Variants in IQCM observed in about 807,000 individuals in gnomAD.
IQCM encodes IQ domain-containing protein M.
IQCM carries 45 observed loss-of-function variants against 57.6 expected under a neutral mutation model. The ratio of observed to expected loss-of-function variants is 0.78; its 90% confidence interval spans 0.62 to 1.00. The LOEUF (loss-of-function observed/expected upper bound fraction) is 1.00. Ranked by LOEUF, IQCM falls within the 50% of genes least tolerant of loss-of-function variation. IQCM has a pLI of 0.00. For synonymous variants in IQCM, 148 were observed against 158.9 expected, an observed-to-expected ratio of 0.93 and a Z score of 0.51; for missense variants, 468 against 511.6, an observed-to-expected ratio of 0.91 and a Z score of 0.82.
At chr4:149,716,190 A>C (rs1764980069) in intron 5 of IQCM, among the ~76,000 whole-genome samples, 1 of 152,190 alleles carries the variant, frequency 6.6e-6, no homozygotes. Flanking sequence ...GGGTACCTCC[A>C]GTCCCACACC....
chr4:149,686,412 C>T lies in IQCM; in HGVS notation c.442G>A (p.Glu148Lys). Residue 148 changes from glutamate to lysine, a missense_variant, in exon 6 of 14, where the codon GAG becomes AAG. Physicochemically the swap from Glu to Lys is moderately conservative, Grantham distance 56. Transcript: ENST00000636793. ...TIIEPVSKKM[E>K]TAKQQHFEES... ...TCAAAGTGCTGTTGCTTTGCTGTCT[C>T]CATTTTTTTACTCACTGGTTCAATA... is the stretch of plus-strand genomic sequence containing the variant. The T allele has an allele frequency of 8.1e-7, 1 of 1,227,134 alleles. No homozygotes were observed. The highest frequency in any genetic ancestry group is 1.0e-6 in the Non-Finnish European group (1 of 984,008). 76.0% of individuals were successfully genotyped at this position (1,227,134 alleles called of 1,614,324 possible). A position where few individuals can be genotyped will look rare whatever the true frequency, so the allele number is the denominator to read the frequency against.
chr4:149,671,719 C>T (rs997815521), intron 7 of IQCM, among the ~76,000 whole-genome samples: 3 of 152,088 alleles, frequency 2.0e-5, no homozygotes, highest in African/African-American at 7.2e-5. Flanking sequence ...TTATTTCTGC[C>T]TTCATTTCGT....
intron 13 of IQCM, among the ~76,000 whole-genome samples, chr4:149,356,495 A>C (rs1253479623): frequency 6.6e-6 from 1 of 152,014 alleles, no homozygotes; most frequent in Non-Finnish European, 1.5e-5. Context: ...CATTTATTAA[A>C]TAGGGAATCC....
chr4:149,667,495 A>T (rs927057489), intron 7 of IQCM, among the ~76,000 whole-genome samples: 3 of 152,126 alleles, frequency 2.0e-5, no homozygotes, highest in African/African-American at 7.2e-5. Flanking sequence ...AAAGTCTAAA[A>T]ATTCCAAAAA....
chr4:149,379,969 C>T (rs1730964534), intron 13 of IQCM, among the ~76,000 whole-genome samples: 1 of 152,126 alleles, frequency 6.6e-6, no homozygotes. Flanking sequence ...GAATAAGTCT[C>T]ATGAGATCTG....
rs556068944 is a variant in IQCM at position 149,592,139 on chromosome 4, C to G, written c.682-4142G>C. ...CTGCTGTTTCCTGACATTTTAATGA[C>G]CGCCATTCTAACTGGTGTCAGATGG... On this transcript the variant is annotated intron_variant, in intron 8 of 13. Transcript: ENST00000636793. Among the ~76,000 whole-genome samples the G allele has an allele frequency of 2.0e-5, 3 of 152,090 alleles. No individual in the cohort carries two copies. The South Asian group carries it at 6.2e-4, about 32-fold the overall frequency.
chr4:149,572,096 C>T lies in IQCM; in HGVS notation c.750-8206G>A, dbSNP rs1751215008. Among the ~76,000 whole-genome samples the T allele has an allele frequency of 2.0e-5, 3 of 151,724 alleles. No homozygotes were observed. The South Asian group carries it at 6.2e-4, about 32-fold the overall frequency. On this transcript the variant is annotated intron_variant, in intron 9 of 13. Coordinates refer to ENST00000636793, the MANE Select transcript of IQCM (RefSeq NM_001363507.2). Reference sequence around the variant, plus strand: ...ATAGCTCTCACTGATATATGATGACCCTGGATGGGAAGGTGAAACATTAGT... The same window carrying T: ...ATAGCTCTCACTGATATATGATGACTCTGGATGGGAAGGTGAAACATTAGT...
chr4:149,495,431 A>C lies in IQCM; in HGVS notation c.1228+53024T>G, dbSNP rs537010571. ...ATATAGTGACAAGCCCAAGCAACTG[A>C]GCAGATAAATGTTTGAGCCAGGATT... On this transcript the variant is annotated intron_variant, in intron 12 of 13. Coordinates refer to ENST00000636793, the MANE Select transcript of IQCM (RefSeq NM_001363507.2). Among the ~76,000 whole-genome samples, 5 of 152,146 alleles carry C rather than the reference A, an allele frequency of 3.3e-5. No individual in the cohort carries two copies. The South Asian group carries it at 1.0e-3, about 31-fold the overall frequency.
chr4:149,694,506 C>A (rs1425992663), intron 5 of IQCM, among the ~76,000 whole-genome samples: 1 of 152,050 alleles, frequency 6.6e-6, no homozygotes, highest in Admixed American at 6.6e-5. Flanking sequence ...CACTGTTCTC[C>A]TGACCTTCAT....
At position 149,662,199 on chromosome 4, in the gene IQCM, C is replaced by T. The variant is rs539262232; in HGVS notation, c.565+19919G>A. ...TTCCCTTTTAATTTCCTCATTGATC[C>T]ACTGGTTATTTAGGAGCGTGTTGAC... On this transcript the variant is annotated intron_variant, in intron 7 of 13. Transcript: ENST00000636793. 3.9e-5 allele frequency among the ~76,000 whole-genome samples: 6 copies of T among 151,990 alleles called. No homozygotes were observed. In the South Asian group the frequency reaches 8.3e-4, roughly 21 times the overall value.
intron 7 of IQCM, among the ~76,000 whole-genome samples, chr4:149,632,879 CG>C: frequency 6.6e-6 from 1 of 152,078 alleles, no homozygotes. Flanking sequence ...AAGCAAATAT[CG>C]GCCGGGCGCG....
Position 149,546,197 on chromosome 4 carries a change from T to C in IQCM, c.1228+2258A>G, listed in dbSNP as rs1197949713. ...ATTCCATGGTGTATATGTGCCACAT[T>C]TTCTTAATCCAGTCTATCATTGATG... On this transcript the variant is annotated intron_variant, in intron 12 of 13. Transcript: ENST00000636793. Among the ~76,000 whole-genome samples the C allele has an allele frequency of 3.9e-5, 6 of 152,214 alleles. No individual in the cohort carries two copies. In the East Asian group the frequency reaches 1.2e-3, roughly 29 times the overall value.
chr4:149,796,137 G>A (rs896487060), intron 2 of IQCM, among the ~76,000 whole-genome samples: 2 of 152,168 alleles, frequency 1.3e-5, no homozygotes, highest in Non-Finnish European at 2.9e-5. Context: ...CTTTACTCTT[G>A]GGAAGCATTT....
intron 2 of IQCM, among the ~76,000 whole-genome samples, chr4:149,773,615 A>C (rs180741993): frequency 1.3e-5 from 2 of 152,330 alleles, no homozygotes; most frequent in East Asian, 3.9e-4. Context: ...TCAAACTGTA[A>C]GATAAAGCTG....
At chr4:149,728,200 T>C (rs558369058) in intron 5 of IQCM, among the ~76,000 whole-genome samples, 1 of 152,338 alleles carries the variant, frequency 6.6e-6, no homozygotes, top group East Asian at 1.9e-4. Context: ...ACACCTTGGG[T>C]CATTGAAAAT....
intron 12 of IQCM, among the ~76,000 whole-genome samples, chr4:149,450,467 C>T (rs1736990909): frequency 6.6e-6 from 1 of 151,678 alleles, no homozygotes; most frequent in Non-Finnish European, 1.5e-5. Flanking sequence ...ACCCACCTAA[C>T]AAGGGATTAA....
chr4:149,599,128 AG>A (rs1255142095), intron 8 of IQCM, among the ~76,000 whole-genome samples: 1 of 152,210 alleles, frequency 6.6e-6, no homozygotes, highest in Non-Finnish European at 1.5e-5. Flanking sequence ...TGCTTGTAGC[AG>A]GTTTTTTCAC....
chr4:149,549,946 A>G (rs914365621), intron 11 of IQCM, among the ~76,000 whole-genome samples: 4 of 152,246 alleles, frequency 2.6e-5, no homozygotes, highest in African/African-American at 9.6e-5. Flanking sequence ...ATGAAAATGT[A>G]TATTTAGTGT....
intron 7 of IQCM, among the ~76,000 whole-genome samples, chr4:149,646,908 TA>T (rs761329426): frequency 2.0e-5 from 3 of 152,102 alleles, no homozygotes; most frequent in African/African-American, 7.2e-5. Flanking sequence ...CTGTTGAACC[TA>T]GGGGGTAGAG....
Sources: allele counts gnomAD v4.1 joint callset (sites outside exome capture counted in the v4.1 genomes callset), GRCh38; gene constraint gnomAD v4.1.1; transcripts MANE v1.5; gene names NCBI Gene and HGNC (gene_info 2026-07-23, HGNC 2026-07-21).